The following FILIP1L variants were observed in gnomAD, a reference collection of about 807,000 sequenced individuals.
The protein encoded by FILIP1L is filamin A-interacting protein 1-like.
FILIP1L carries 55 observed loss-of-function variants against 96.6 expected under a neutral mutation model. The ratio of observed to expected loss-of-function variants is 0.57; its 90% CI spans 0.46 to 0.71. FILIP1L has a LOEUF of 0.71. Among genes scored for constraint, FILIP1L ranks in the 30% least tolerant of loss-of-function variants. The probability of loss-of-function intolerance (pLI) is 0.00; values close to 1 mark genes in which losing one functional copy is unlikely to be tolerated. For synonymous variants in FILIP1L, 467 were observed against 473.9 expected (o/e 0.99, Z 0.19); for missense variants, 1,304 against 1,321.2 (o/e 0.99, Z 0.20).
chr3:100,033,379 C>T (rs1203479081), intron 1 of FILIP1L, among the ~76,000 whole-genome samples: 1 of 152,204 alleles, frequency 6.6e-6, no homozygotes, highest in African/African-American at 2.4e-5. Context: ...AGCTGCAGCT[C>T]TGGAAGGCTT....
intron 4 of FILIP1L, among the ~76,000 whole-genome samples, chr3:99,865,048 G>C (rs1294981436): frequency 6.6e-6 from 1 of 152,040 alleles, no homozygotes; most frequent in Non-Finnish European, 1.5e-5. Flanking sequence ...TTCTATTTTT[G>C]AAATAGGTAC....
rs572871842 is a variant in FILIP1L, at chr3:99,839,326, T to C, written c.3382-8721A>G. The stretch of plus-strand genomic sequence containing the variant: ...TCTGCATAGCTGCCTGGCACAATAA[T>C]GAGCAATATTGCATGCTTCATAAAT... On this transcript the variant is annotated intron_variant, in intron 5 of 5. Transcript: ENST00000477258. 1.1e-4 allele frequency among the ~76,000 whole-genome samples: 16 copies of C among 152,338 alleles called. No individual in the cohort carries two copies. The South Asian group carries it at 3.3e-3, about 32-fold the overall frequency.
In FILIP1L at chr3:99,890,724, C is replaced by T. The variant is rs377440083; in HGVS notation, c.605+33506G>A. On this transcript the variant is annotated intron_variant, in intron 4 of 5. Coordinates refer to ENST00000477258, the MANE Select transcript of FILIP1L (RefSeq NM_001387850.1). ...ACTTTTTAAACTAGAAATACCAATC[C>T]GCTGTTTTTTTTTTTCTGACATATT... Among the ~76,000 whole-genome samples, 315 of 151,394 alleles carry T rather than the reference C, an allele frequency of 2.1e-3. 3 individuals carry two copies. Among genetic ancestry groups the T allele is most frequent in the African/African-American group, 7.2e-3 (299 of 41,282 alleles).
chr3:100,011,975 T>A (rs189932636), intron 1 of FILIP1L, among the ~76,000 whole-genome samples: 1 of 152,250 alleles, frequency 6.6e-6, no homozygotes, highest in South Asian at 2.1e-4. Context: ...GGCTGCTTTC[T>A]GATATTTCGA....
At chr3:99,909,333 A>G (rs1056657800) in intron 4 of FILIP1L, among the ~76,000 whole-genome samples, 8 of 152,152 alleles carry the variant, frequency 5.3e-5, no homozygotes, top group African/African-American at 1.9e-4. Context: ...TTGTGTGTAT[A>G]CACTGTACCA....
chr3:99,847,984 T>G (rs905354133), intron 5 of FILIP1L: 2 of 1,070,676 alleles, frequency 1.9e-6, no homozygotes, highest in Non-Finnish European at 2.3e-6. Flanking sequence ...CCAAGACAAG[T>G]TGCAGTCAAA....
intron 1 of FILIP1L, among the ~76,000 whole-genome samples, chr3:99,950,964 G>C (rs371096602): frequency 6.6e-6 from 1 of 152,288 alleles, no homozygotes; most frequent in East Asian, 1.9e-4. Context: ...TCTGCCCTTG[G>C]AATAACTCAA....
At chr3:99,845,001 T>A (rs1384115441) in intron 5 of FILIP1L, among the ~76,000 whole-genome samples, 2 of 152,200 alleles carry the variant, frequency 1.3e-5, no homozygotes, top group East Asian at 3.9e-4. Flanking sequence ...CAGGTATTCT[T>A]TATAGCAGTA....
At chr3:100,066,878 A>AT (rs2065674535) in intron 1 of FILIP1L, among the ~76,000 whole-genome samples, 1 of 152,028 alleles carries the variant, frequency 6.6e-6, no homozygotes, top group African/African-American at 2.4e-5. Flanking sequence ...CAGTTTAAAG[A>AT]TTTTTACTTG....
chr3:100,012,552 A>G (rs1029181871), intron 1 of FILIP1L, among the ~76,000 whole-genome samples: 2 of 151,944 alleles, frequency 1.3e-5, no homozygotes, highest in Non-Finnish European at 2.9e-5. Flanking sequence ...TTTCTCTAAC[A>G]TTGGGAAGGC....
chr3:99,861,661 C>A (rs1424944110), intron 4 of FILIP1L, among the ~76,000 whole-genome samples: 1 of 152,126 alleles, frequency 6.6e-6, no homozygotes, highest in East Asian at 1.9e-4. Flanking sequence ...TCCCTATTAC[C>A]CCCAGCAAGA....
At chr3:99,853,849 G>C (rs1473785906) in intron 4 of FILIP1L, among the ~76,000 whole-genome samples, 1 of 152,154 alleles carries the variant, frequency 6.6e-6, no homozygotes, top group Admixed American at 6.5e-5. Context: ...AGGTAAACAA[G>C]AATTTATATG....
chr3:100,044,381 G>C (rs2065249333), intron 1 of FILIP1L, among the ~76,000 whole-genome samples: 1 of 152,118 alleles, frequency 6.6e-6, no homozygotes, highest in African/African-American at 2.4e-5. Flanking sequence ...GGGGTAATCT[G>C]TCAAGGGGGG....
intron 1 of FILIP1L, among the ~76,000 whole-genome samples, chr3:100,068,751 C>T (rs990991745): frequency 6.6e-6 from 1 of 152,150 alleles, no homozygotes; most frequent in African/African-American, 2.4e-5. Flanking sequence ...CCTCAGCCTC[C>T]CAAGTAGCTG....
chr3:100,004,427 A>G (rs535923361), intron 1 of FILIP1L, among the ~76,000 whole-genome samples: 5 of 152,334 alleles, frequency 3.3e-5, no homozygotes, highest in African/African-American at 1.2e-4. Flanking sequence ...CTGTGTTACC[A>G]CTGAAACCAA....
intron 1 of FILIP1L, among the ~76,000 whole-genome samples, chr3:99,949,404 G>T (rs1708110185): frequency 6.6e-6 from 1 of 152,146 alleles, no homozygotes; most frequent in Non-Finnish European, 1.5e-5. Context: ...TTGTTCTTCA[G>T]CTCTGTCTAA....
rs375696293 is a variant in FILIP1L at position 100,071,136 on chromosome 3, T to G, written c.-11+42917A>C. ...TGGATGGATTAGCATTTCCAAACTT[T>G]CTTTTTAAGTTCTTATAATTACCCC... is the stretch of plus-strand genomic sequence containing the variant. On this transcript the variant is annotated intron_variant, in intron 1 of 5. Coordinates refer to ENST00000477258, the MANE Select transcript of FILIP1L (RefSeq NM_001387850.1). Among the ~76,000 whole-genome samples, 12 of 146,666 alleles carry G rather than the reference T, an allele frequency of 8.2e-5. No homozygotes were observed. The South Asian group carries it at 1.1e-3, about 13-fold the overall frequency.
chr3:100,054,495 A>ATGTTG (rs1459088582), intron 1 of FILIP1L, among the ~76,000 whole-genome samples: 1 of 33,492 alleles, frequency 3.0e-5, no homozygotes, highest in African/African-American at 1.3e-4. Context: ...ATGTTTTGTT[A>ATGTTG]TGTTATGTTA....
intron 1 of FILIP1L, chr3:100,039,882 T>C (rs931423282): frequency 1.3e-5 from 2 of 151,836 alleles, no homozygotes; most frequent in Non-Finnish European, 2.9e-5. Flanking sequence ...GCCTCCCGAG[T>C]AGCTGGGACT....
Sources: gnomAD v4.1 joint callset for allele counts (sites outside exome capture counted in the v4.1 genomes callset) on GRCh38, gnomAD v4.1.1 for gene constraint, MANE v1.5 for transcripts, NCBI Gene and HGNC (gene_info 2026-07-23, HGNC 2026-07-21) for gene names.